CHD7: variants seen among roughly 807,000 people sequenced by gnomAD.
The protein encoded by CHD7 is ATP-dependent chromatin remodeler CHD7.
A neutral mutation model predicts 307.3 loss-of-function variants in CHD7; 24 were observed. The ratio of observed to expected loss-of-function variants is 0.08; its 90% CI spans 0.06 to 0.11. The LOEUF is 0.11. Ranked by LOEUF, CHD7 falls within the 10% of genes least tolerant of loss-of-function variation. The probability of loss-of-function intolerance (pLI) is 1.00; values close to 1 mark genes in which losing one functional copy is unlikely to be tolerated. For missense variants in CHD7, 3,106 were observed against 3,727.1 expected (o/e 0.83, Z 4.34); for synonymous variants, 1,363 against 1,349.9 (o/e 1.01, Z -0.21).
intron 6 of CHD7, among the ~76,000 whole-genome samples, chr8:60,802,361 G>T (rs1812351942): frequency 1.3e-5 from 2 of 152,188 alleles, no homozygotes; most frequent in Non-Finnish European, 2.9e-5. Context: ...ACCTGCAGGT[G>T]CATTAGGTAT....
At chr8:60,855,443 A>G (rs1031740828) in intron 32 of CHD7, among the ~76,000 whole-genome samples, 1 of 152,224 alleles carries the variant, frequency 6.6e-6, no homozygotes, top group African/African-American at 2.4e-5. Context: ...TAGGTAGGGA[A>G]TGCAAATTGA....
chr8:60,853,465 A>G lies in CHD7; in HGVS notation c.6740A>G (p.Asp2247Gly), dbSNP rs1805569622. 1.3e-6 allele frequency: 2 copies of G among 1,517,280 alleles called. No individual in the cohort carries two copies. Among genetic ancestry groups the G allele is most frequent in the Admixed American group, 2.3e-5 (1 of 44,078 alleles). The allele number at this position is 1,517,280 out of a possible 1,614,324, so 94.0% of individuals were successfully genotyped here. Reference sequence around the variant, plus strand: ...GAGGATGAAGAGGAAAAGCTGGAGGATGACGATAAGTCGGAAGAGTCTTCC... The same window carrying G: ...GAGGATGAAGAGGAAAAGCTGGAGGGTGACGATAAGTCGGAAGAGTCTTCC... The part of the protein sequence containing the change: ...SEEDEEEKLE[D>G]DDKSEESSQP... The change falls in exon 31 of 38, where the codon GAT (aspartate) becomes GGT (glycine). Residue 2247 changes from aspartate to glycine, a missense_variant. By Grantham distance (94) the Asp-to-Gly change is moderately conservative. Coordinates refer to ENST00000423902, the MANE Select transcript of CHD7 (RefSeq NM_017780.4).
At chr8:60,810,445 TAC>T (rs1165713587) in intron 7 of CHD7, among the ~76,000 whole-genome samples, 1 of 151,930 alleles carries the variant, frequency 6.6e-6, no homozygotes, top group African/African-American at 2.4e-5. Context: ...GTTTATTATA[TAC>T]ACACACATAT....
chr8:60,680,395 T>C (rs969442449), intron 1 of CHD7, among the ~76,000 whole-genome samples: 1 of 8,974 alleles, frequency 1.1e-4, no homozygotes, highest in Admixed American at 1.5e-3. Context: ...GCTGTCGAGG[T>C]CGCGGGGGGG....
chr8:60,848,968 A>G, intron 24 of CHD7, 83 bp from the exon 25 acceptor site: 2 of 1,075,260 alleles, frequency 1.9e-6, no homozygotes, highest in South Asian at 2.5e-5. Context: ...ATCGTGGGAG[A>G]GAGGGCATGT....
chr8:60,714,990 A>T (rs1807515880), intron 1 of CHD7, among the ~76,000 whole-genome samples: 2 of 152,222 alleles, frequency 1.3e-5, no homozygotes, highest in Admixed American at 6.5e-5. Context: ...CGGCAGCCAC[A>T]AGAATAGGAA....
chr8:60,781,116 A>G lies in CHD7; in HGVS notation c.1782A>G (p.Pro594=). The G allele has an allele frequency of 1.2e-6, 2 of 1,611,116 alleles. No individual in the cohort carries two copies. The highest frequency in any genetic ancestry group is 1.7e-6 in the Non-Finnish European group (2 of 1,178,536). The part of the protein sequence containing the change: ...DDYLPSIEQQ[P]QQKKKKKKNN... ...ACCTGCCATCAATAGAACAGCAGCC[A>G]CAACAAAAGAAGAAGAAAAAGAAAA... Residue 594 remains proline (P), a synonymous_variant, in exon 3 of 38, where the codon CCA becomes CCG. Transcript: ENST00000423902.
intron 13 of CHD7, 29 bp downstream of exon 13, chr8:60,824,045 A>T (rs772477699): frequency 1.9e-6 from 3 of 1,592,990 alleles, no homozygotes; most frequent in Middle Eastern, 1.7e-4. Flanking sequence ...GATTGCACTG[A>T]ACCTGAATAG....
intron 3 of CHD7, among the ~76,000 whole-genome samples, chr8:60,781,749 A>G (rs1372500184): frequency 2.6e-5 from 4 of 152,348 alleles, no homozygotes; most frequent in African/African-American, 9.6e-5. Flanking sequence ...TAGACCAGCA[A>G]CCTCATTTTC....
chr8:60,740,217 A>G (rs1252660201), intron 1 of CHD7, among the ~76,000 whole-genome samples: 3 of 152,282 alleles, frequency 2.0e-5, no homozygotes, highest in African/African-American at 4.8e-5. Context: ...GTGCCTGCCA[A>G]CTTGTCTCCC....
chr8:60,865,435 T>C lies in CHD7; in HGVS notation c.8496T>C (p.Ser2832=). Reference sequence around the variant, plus strand: ...CTGGAAACACCACTACTGCTTCTAGTCAAGGAGAACCGGAAGACAGCACTT... The same window carrying C: ...CTGGAAACACCACTACTGCTTCTAGCCAAGGAGAACCGGAAGACAGCACTT... The part of the protein sequence containing the change: ...AATGNTTTAS[S]QGEPEDSTSK... Residue 2832 remains serine (S), a synonymous_variant, in exon 38 of 38, where the codon AGT becomes AGC. Transcript: ENST00000423902. This position sits in a 1 kb window ranked among gnomAD's most constrained non-coding sequence, Gnocchi z 4.3. The C allele has an allele frequency of 1.9e-6, 3 of 1,613,906 alleles. No homozygotes were observed. Among genetic ancestry groups the C allele is most frequent in the Non-Finnish European group, 2.5e-6 (3 of 1,179,882 alleles).
rs749861487 is a variant in CHD7, at chr8:60,851,287, A to T, written c.5633A>T (p.Asp1878Val). 5 of 1,558,424 alleles carry T rather than the reference A, an allele frequency of 3.2e-6. No individual in the cohort carries two copies. In the African/African-American group the frequency reaches 5.4e-5, roughly 17 times the overall value. ...GAATTTGCAAATTCTCCTTCAGAGG[A>T]TAAGGAAGAATCCATGGAAATACAT... Reference protein sequence around the residue: ...IDEFANSPSEDKEESMEIHAT... With the variant: ...IDEFANSPSEVKEESMEIHAT... Residue 1878 changes from aspartate (D) to valine (V), a missense_variant, in exon 28 of 38, where the codon GAT (aspartate) becomes GTT (valine). Asp to Val is a radical substitution (Grantham distance 152, BLOSUM62 -3). This residue lies in a region of CHD7 where 1,030 missense variants were observed against 1,165.4 expected (regional missense o/e 0.88). Transcript: ENST00000423902.
chr8:60,852,588 C>T lies in CHD7; in HGVS notation c.5985C>T (p.Asn1995=), dbSNP rs1438043609. The T allele has an allele frequency of 2.5e-6, 4 of 1,613,896 alleles. No individual in the cohort carries two copies. In the South Asian group the frequency reaches 4.4e-5, roughly 18 times the overall value. ...FDPVKQQFDW[N]QFRAFARLDK... ...CTGTGAAACAGCAATTTGACTGGAA[C>T]CAATTTAGAGCCTTTGCCAGGCTTG... The change falls in exon 30 of 38, where the codon AAC becomes AAT. Residue 1995 remains asparagine, a synonymous_variant. Transcript: ENST00000423902.
chr8:60,836,011 GCATTGTTTT>G, intron 15 of CHD7, 53 bp from the exon 16 acceptor site: 1 of 1,238,292 alleles, frequency 8.1e-7, no homozygotes, highest in South Asian at 1.3e-5. Flanking sequence ...GAAAGCAAGT[GCATTGTTTT>G]TAGTAATAAA....
At chr8:60,684,920 G>C (rs903541550) in intron 1 of CHD7, among the ~76,000 whole-genome samples, 16 of 152,188 alleles carry the variant, frequency 1.1e-4, no homozygotes, top group African/African-American at 3.9e-4. Context: ...TAGATTGGTG[G>C]TGGCCATGGG....
intron 8 of CHD7, among the ~76,000 whole-genome samples, chr8:60,818,342 T>C (rs2150742228): frequency 6.6e-6 from 1 of 152,354 alleles, no homozygotes; most frequent in Non-Finnish European, 1.5e-5. Flanking sequence ...CGCAGATTAC[T>C]CACTTAAAGG....
At chr8:60,738,907 G>A (rs533393945) in intron 1 of CHD7, among the ~76,000 whole-genome samples, 1 of 152,348 alleles carries the variant, frequency 6.6e-6, no homozygotes, top group South Asian at 2.1e-4. Context: ...GGAACAGGAA[G>A]AGGAGCACAG....
At chr8:60,729,995 A>G (rs1479755960) in intron 1 of CHD7, among the ~76,000 whole-genome samples, 2 of 152,252 alleles carry the variant, frequency 1.3e-5, no homozygotes, top group South Asian at 2.1e-4. Context: ...TGGTTAGTCA[A>G]ATGATTTTTA....
At chr8:60,727,072 A>G (rs1177082159) in intron 1 of CHD7, among the ~76,000 whole-genome samples, 4 of 152,192 alleles carry the variant, frequency 2.6e-5, no homozygotes, top group African/African-American at 9.7e-5. Context: ...TAATGTACTT[A>G]TGCTCCTAAT....
Sources: allele counts gnomAD v4.1 joint callset (sites outside exome capture counted in the v4.1 genomes callset), GRCh38; gene constraint gnomAD v4.1.1; regional missense constraint gnomAD v4.1.1; non-coding constraint Gnocchi (gnomAD v3.1); transcripts MANE v1.5; gene names NCBI Gene and HGNC (gene_info 2026-07-23, HGNC 2026-07-21).